The following RIN2 variants were observed in gnomAD, a reference collection of about 807,000 sequenced individuals.
RIN2 encodes Ras and Rab interactor 2.
Under a neutral mutation model 78.0 loss-of-function variants are expected in RIN2, and 36 were observed. That is an observed-to-expected ratio of 0.46 (90% CI 0.35 to 0.61). The LOEUF (loss-of-function observed/expected upper bound fraction) is 0.61, where lower values mean the gene tolerates loss of function less well. Among genes scored for constraint, RIN2 ranks in the 20% least tolerant of loss-of-function variants. The probability of loss-of-function intolerance (pLI) is 0.00; values close to 1 mark genes in which losing one functional copy is unlikely to be tolerated. For missense variants in RIN2, 1,087 were observed against 1,159.7 expected, an observed-to-expected ratio of 0.94 and a Z score of 0.91; for synonymous variants, 466 against 466.8, an observed-to-expected ratio of 1.00 and a Z score of 0.02.
chr20:19,995,279 C>CA (rs36017028), intron 11 of RIN2, among the ~76,000 whole-genome samples: 2 of 137,082 alleles, frequency 1.5e-5, no homozygotes, highest in African/African-American at 5.3e-5. Context: ...AAAAAAAAAA[C>CA]AAAACACATT....
At chr20:19,870,893 C>A (rs902271299) in intron 2 of RIN2, among the ~76,000 whole-genome samples, 1 of 152,180 alleles carries the variant, frequency 6.6e-6, no homozygotes, top group African/African-American at 2.4e-5. Context: ...GTTTGGGATG[C>A]TGACTTGGAT....
chr20:19,936,434 T>C (rs887649880), intron 4 of RIN2, among the ~76,000 whole-genome samples: 1 of 152,122 alleles, frequency 6.6e-6, no homozygotes, highest in African/African-American at 2.4e-5. Flanking sequence ...TCCTGTGCCT[T>C]GTTGAGCTAA....
At chr20:19,955,050 C>A (rs2041477893) in intron 4 of RIN2, among the ~76,000 whole-genome samples, 1 of 152,182 alleles carries the variant, frequency 6.6e-6, no homozygotes, top group Non-Finnish European at 1.5e-5. Context: ...CTCTCTAATA[C>A]CAGAACATTT....
In RIN2 at chr20:19,975,997, C is replaced by G. The variant is rs2042268495; in HGVS notation, c.1762+210C>G. On this transcript the variant is annotated intron_variant, in intron 9 of 12. Coordinates refer to ENST00000255006, the MANE Select transcript of RIN2 (RefSeq NM_018993.4). This position sits in a 1 kb window ranked among gnomAD's most constrained non-coding sequence, Gnocchi z 4.9. Reference sequence around the variant, plus strand: ...TGTCTTCGGGAGTGACAGATTGGAGCTGCACAGTGATTCTGTTCAGGGATG... The same window carrying G: ...TGTCTTCGGGAGTGACAGATTGGAGGTGCACAGTGATTCTGTTCAGGGATG... Among the ~76,000 whole-genome samples, 2 of 152,182 alleles carry G rather than the reference C, an allele frequency of 1.3e-5. No individual in the cohort carries two copies. Among genetic ancestry groups the G allele is most frequent in the South Asian group, 4.1e-4 (2 of 4,822 alleles).
intron 3 of RIN2, among the ~76,000 whole-genome samples, chr20:19,925,613 G>C (rs1485046239): frequency 6.6e-6 from 1 of 152,180 alleles, no homozygotes; most frequent in Non-Finnish European, 1.5e-5. Flanking sequence ...ACAGATGAAT[G>C]AAAAGGCAAT....
rs1325721864 is a variant in RIN2, at chr20:19,768,388, G to A, written c.-163+10061G>A. 2.6e-5 allele frequency among the ~76,000 whole-genome samples: 4 copies of A among 152,224 alleles called. 1 individual carries two copies. The highest frequency in any genetic ancestry group is 2.6e-4 in the Admixed American group (4 of 15,286). ...GGAGCCCCACAAGAGTAGCCAGATC[G>A]GAGGCCAGCTTTCTGGAGACGCTCT... On this transcript the variant is annotated intron_variant, in intron 1 of 12. Coordinates refer to ENST00000255006, the MANE Select transcript of RIN2 (RefSeq NM_018993.4).
chr20:19,772,823 G>C (rs1000663791), intron 1 of RIN2, among the ~76,000 whole-genome samples: 1 of 152,172 alleles, frequency 6.6e-6, no homozygotes, highest in Admixed American at 6.5e-5. Flanking sequence ...TTTGTCTGTA[G>C]TCACAAAGCT....
At chr20:19,913,837 G>A (rs940936140) in intron 3 of RIN2, among the ~76,000 whole-genome samples, 3 of 152,064 alleles carry the variant, frequency 2.0e-5, no homozygotes, top group Non-Finnish European at 4.4e-5. Flanking sequence ...ATCCATCAGC[G>A]GACACTGGGT....
Position 19,811,074 on chromosome 20 carries a change from A to C in RIN2, c.-37+11327A>C, listed in dbSNP as rs546949373. The stretch of plus-strand genomic sequence containing the variant: ...AAAAAAATGCACAAGGATAAAGCGG[A>C]AAGTACCAGATGTATAAACCAATTA... On this transcript the variant is annotated intron_variant, in intron 2 of 12. Transcript: ENST00000255006. 3.0e-3 allele frequency among the ~76,000 whole-genome samples: 456 copies of C among 151,958 alleles called. 2 individuals carry two copies. Among genetic ancestry groups the C allele is most frequent in the Non-Finnish European group, 4.4e-3 (300 of 67,948 alleles).
At chr20:19,834,399 G>A (rs900804422) in intron 2 of RIN2, among the ~76,000 whole-genome samples, 8 of 152,172 alleles carry the variant, frequency 5.3e-5, no homozygotes, top group Non-Finnish European at 7.3e-5. Flanking sequence ...TTGGTGCCAG[G>A]TACCCTGCTA....
chr20:19,886,780 G>A lies in RIN2; in HGVS notation c.-36-2786G>A, dbSNP rs200421833. 84 of 1,527,482 alleles carry A rather than the reference G, an allele frequency of 5.5e-5. No individual in the cohort carries two copies. Among genetic ancestry groups the A allele is most frequent in the East Asian group, 1.5e-4 (6 of 40,792 alleles). 94.6% of individuals were successfully genotyped at this position (1,527,482 alleles called of 1,614,324 possible). A position where few individuals can be genotyped will look rare whatever the true frequency, so the allele number is the denominator to read the frequency against. On this transcript the variant is annotated intron_variant, in intron 2 of 12. Coordinates refer to ENST00000255006, the MANE Select transcript of RIN2 (RefSeq NM_018993.4). ...GGAATTTCACAGCCTCTCAAACTAC[G>A]GTACCCTTTTTGTTTCTTAGTCTAG...
intron 2 of RIN2, 196 bp from the exon 3 acceptor site, chr20:19,889,370 T>C (rs2038337876): frequency 8.1e-7 from 1 of 1,229,248 alleles, no homozygotes; most frequent in South Asian, 2.7e-5. Context: ...GCTGGCGAGG[T>C]GGGGCAGTCT....
At chr20:19,984,089 C>T (rs942761342) in intron 9 of RIN2, among the ~76,000 whole-genome samples, 2 of 149,366 alleles carry the variant, frequency 1.3e-5, no homozygotes, top group African/African-American at 5.0e-5. Context: ...AGCAAACTAT[C>T]GCAAGGACCA....
chr20:19,973,632 T>C (rs2042175308), intron 8 of RIN2, among the ~76,000 whole-genome samples: 1 of 151,974 alleles, frequency 6.6e-6, no homozygotes, highest in Non-Finnish European at 1.5e-5. Context: ...CTCCTAAAAA[T>C]ACCAAAATTA....
chr20:19,879,186 T>C (rs1425545877), intron 2 of RIN2, among the ~76,000 whole-genome samples: 1 of 152,252 alleles, frequency 6.6e-6, no homozygotes. Context: ...CTTTTAAACA[T>C]GCCTGAACTT....
intron 3 of RIN2, among the ~76,000 whole-genome samples, chr20:19,920,712 G>C (rs2039881059): frequency 6.6e-6 from 1 of 152,228 alleles, no homozygotes; most frequent in African/African-American, 2.4e-5. Context: ...GTCTCGCTGT[G>C]TTGCCCAGGC....
intron 6 of RIN2, among the ~76,000 whole-genome samples, chr20:19,962,881 C>T (rs1227023944): frequency 1.3e-5 from 2 of 151,990 alleles, no homozygotes; most frequent in African/African-American, 4.8e-5. Flanking sequence ...CGCTTGAACC[C>T]GGGAGGTGGA....
chr20:19,835,089 AAAAG>A (rs1476271880), intron 2 of RIN2, among the ~76,000 whole-genome samples: 5 of 102,944 alleles, frequency 4.9e-5, no homozygotes, highest in African/African-American at 1.6e-4. Flanking sequence ...AAGAAAGAGA[AAAAG>A]AAAGAAGAAA....
At chr20:19,787,643 A>G (rs1191850225) in intron 1 of RIN2, among the ~76,000 whole-genome samples, 1 of 152,152 alleles carries the variant, frequency 6.6e-6, no homozygotes, top group Non-Finnish European at 1.5e-5. Context: ...TATGAAGGTT[A>G]TGGCAAGGAT....
Sources: allele counts gnomAD v4.1 joint callset (sites outside exome capture counted in the v4.1 genomes callset), GRCh38; gene constraint gnomAD v4.1.1; non-coding constraint Gnocchi (gnomAD v3.1); transcripts MANE v1.5; gene names NCBI Gene and HGNC (gene_info 2026-07-23, HGNC 2026-07-21).